The following ARHGEF16 variants were observed in gnomAD, a reference collection of about 807,000 sequenced individuals.
ARHGEF16 encodes Rho guanine exchange factor (GEF) 16.
Under a neutral mutation model 74.1 loss-of-function variants are expected in ARHGEF16, and 59 were observed. That is an observed-to-expected ratio of 0.80 (90% confidence interval 0.65 to 0.99). ARHGEF16 has a LOEUF of 0.99. Ranked by LOEUF, ARHGEF16 falls within the 50% of genes least tolerant of loss-of-function variation. The pLI, the probability that ARHGEF16 is intolerant of heterozygous loss-of-function variation, is 0.00. For synonymous variants in ARHGEF16, 415 were observed against 412.6 expected (o/e 1.01, Z -0.07); for missense variants, 948 against 986.6 (o/e 0.96, Z 0.52).
chr1:3,459,178 G>A (rs954667211), intron 1 of ARHGEF16, among the ~76,000 whole-genome samples: 3 of 152,138 alleles, frequency 2.0e-5, no homozygotes, highest in Non-Finnish European at 4.4e-5. Flanking sequence ...GAGCTCCCAG[G>A]CTGGCTCAGT....
chr1:3,473,062 C>A lies in ARHGEF16; in HGVS notation c.1023-16C>A. ...ACCAGGCCCGTGGCACCCTCCTCAC[C>A]CCTCCTTGCCTTCAGGTTCTTCGAG... On this transcript the variant is annotated splice_polypyrimidine_tract_variant and intron_variant, in intron 6 of 14. Coordinates refer to ENST00000378378, the MANE Select transcript of ARHGEF16 (RefSeq NM_014448.4). 5.6e-6 allele frequency: 9 copies of A among 1,609,644 alleles called. No homozygotes were observed. Among genetic ancestry groups the A allele is most frequent in the Non-Finnish European group, 7.6e-6 (9 of 1,178,148 alleles).
At chr1:3,457,644 A>G (rs1167144087) in intron 1 of ARHGEF16, among the ~76,000 whole-genome samples, 1 of 152,364 alleles carries the variant, frequency 6.6e-6, no homozygotes, top group East Asian at 1.9e-4. Flanking sequence ...CCAGCAGATC[A>G]GCCAAGGCCA....
chr1:3,464,619 G>GACGT (rs1271468977), intron 2 of ARHGEF16, among the ~76,000 whole-genome samples: 1 of 152,216 alleles, frequency 6.6e-6, no homozygotes, highest in East Asian at 1.9e-4. Flanking sequence ...GCCTTGCTCA[G>GACGT]ACGTGTTGGA....
chr1:3,480,119 G>A (rs1640015459), intron 14 of ARHGEF16, among the ~76,000 whole-genome samples: 1 of 152,228 alleles, frequency 6.6e-6, no homozygotes, highest in Non-Finnish European at 1.5e-5. Flanking sequence ...CCCACGTGGG[G>A]AGGAGGAGGT....
At position 3,479,879 on chromosome 1, in the gene ARHGEF16, G is replaced by A; in HGVS notation, c.1956G>A (p.Gln652=). ...AAGCAGACGAGGTCACACTGCAGCA[G>A]GCGGACGTGGTCCTGGTTCTGCAGC... The part of the protein sequence containing the change: ...AKQADEVTLQ[Q]ADVVLVLQQE... The change falls in exon 14 of 15, where the codon CAG becomes CAA. Residue 652 remains glutamine (Q), a synonymous_variant. Transcript: ENST00000378378. The A allele has an allele frequency of 6.2e-7, 1 of 1,612,344 alleles. No individual in the cohort carries two copies. Among genetic ancestry groups the A allele is most frequent in the Non-Finnish European group, 8.5e-7 (1 of 1,179,910 alleles).
Position 3,467,318 on chromosome 1 carries a change from C to T in ARHGEF16, c.785C>T (p.Thr262Ile), listed in dbSNP as rs1445710148. The change falls in exon 4 of 15, where the codon ACC becomes ATC. Residue 262 changes from threonine to isoleucine, a missense_variant. Thr to Ile is a moderately conservative substitution (Grantham distance 89). Transcript: ENST00000378378. ...AAGAGCTACCGGCCCGCCCAGGTCA[C>T]CTGGAGCCAGCTCCCAGAGGTAGCG... ...VVKSYRPAQV[T>I]WSQLPEVVEL... The T allele has an allele frequency of 5.8e-6, 9 of 1,549,600 alleles. No individual in the cohort carries two copies. The highest frequency in any genetic ancestry group is 7.0e-6 in the Non-Finnish European group (8 of 1,146,538).
Position 3,480,476 on chromosome 1 carries a change from C to A in ARHGEF16, c.2019C>A (p.Asp673Glu). The stretch of plus-strand genomic sequence containing the variant: ...GGCTCTATGGCGAGAGGCTCCGGGA[C>A]GGAGAGACGGGATGGTTCCCCGAGG... Reference protein sequence around the residue: ...DGWLYGERLRDGETGWFPEDF... With the variant: ...DGWLYGERLREGETGWFPEDF... Residue 673 changes from aspartate (D) to glutamate (E), a missense_variant, in exon 15 of 15, where the codon GAC (aspartate) becomes GAA (glutamate). Transcript: ENST00000378378. The A allele has an allele frequency of 6.2e-7, 1 of 1,612,608 alleles. No individual in the cohort carries two copies. Among genetic ancestry groups the A allele is most frequent in the Non-Finnish European group, 8.5e-7 (1 of 1,179,956 alleles).
rs751218468 is a variant in ARHGEF16 at position 3,473,241 on chromosome 1, G to A, written c.1175+11G>A. The A allele has an allele frequency of 4.5e-5, 72 of 1,611,558 alleles. No individual in the cohort carries two copies. Among genetic ancestry groups the A allele is most frequent in the Non-Finnish European group, 5.6e-5 (66 of 1,179,162 alleles). Reference sequence around the variant, plus strand: ...GCTGCAGAAGCTGATGTGAGTGGGCGGCCCCGAGGCCCGCAGGGTGGCTCA... The same window carrying A: ...GCTGCAGAAGCTGATGTGAGTGGGCAGCCCCGAGGCCCGCAGGGTGGCTCA... On this transcript the variant is annotated intron_variant, in intron 7 of 14. Coordinates refer to ENST00000378378, the MANE Select transcript of ARHGEF16 (RefSeq NM_014448.4).
chr1:3,471,388 C>T (rs546007055), intron 6 of ARHGEF16, among the ~76,000 whole-genome samples: 24 of 152,210 alleles, frequency 1.6e-4, no homozygotes, highest in African/African-American at 5.5e-4. Context: ...GAGTCCCACC[C>T]ATCTGCTGCC....
chr1:3,459,703 A>G (rs957519157), intron 1 of ARHGEF16, among the ~76,000 whole-genome samples: 1 of 152,204 alleles, frequency 6.6e-6, no homozygotes, highest in Non-Finnish European at 1.5e-5. Context: ...AGACGCCAGA[A>G]CACTCAGGGA....
chr1:3,470,989 G>A (rs1313589264), intron 6 of ARHGEF16, among the ~76,000 whole-genome samples: 5 of 138,828 alleles, frequency 3.6e-5, no homozygotes, highest in African/African-American at 1.4e-4. Context: ...TGTGTGCGTG[G>A]GCAGGGGTGT....
chr1:3,470,920 G>C, intron 6 of ARHGEF16, among the ~76,000 whole-genome samples: 1 of 141,112 alleles, frequency 7.1e-6, no homozygotes, highest in African/African-American at 2.7e-5. Context: ...ATGTGTGTGG[G>C]CAGGGGTGTG....
rs377019191 is a variant in ARHGEF16, at chr1:3,478,626, C to A, written c.1814+14C>A. The A allele has an allele frequency of 6.3e-7, 1 of 1,593,434 alleles. No individual in the cohort carries two copies. On this transcript the variant is annotated intron_variant, in intron 12 of 14. Transcript: ENST00000378378. ...CTCGGACTCCGCGTAAGTGGGCTCC[C>A]GGGAGGGCTGTTCCCAGGCCACAGG...
rs1639446702 is a variant in ARHGEF16, at chr1:3,463,205, TCC to T, written c.124_125del (p.Pro42AlafsTer3). The T allele has an allele frequency of 8.4e-6, 13 of 1,544,958 alleles. No individual in the cohort carries two copies. Among genetic ancestry groups the T allele is most frequent in the Non-Finnish European group, 1.1e-5 (13 of 1,143,238 alleles). ...CTCCGGGCTCCCAATGGTCCGTGGC[TCC>T]CCGCGTGTTAGAGACGATGCCGCCT... Reference protein sequence around the residue: ...PASGLPMVRGSPRVRDDAAFQ... With the variant: ...PASGLPMVRGXPRVRDDAAFQ... On this transcript the variant is annotated frameshift_variant, in exon 2 of 15. Coordinates refer to ENST00000378378, the MANE Select transcript of ARHGEF16 (RefSeq NM_014448.4). LOFTEE classifies it high-confidence loss of function.
chr1:3,477,500 G>A (rs980737066), intron 10 of ARHGEF16, among the ~76,000 whole-genome samples: 2 of 149,872 alleles, frequency 1.3e-5, no homozygotes, highest in Admixed American at 1.3e-4. Flanking sequence ...CCTCCCTCGG[G>A]GCTGAGCAGG....
chr1:3,469,077 G>A (rs1200194628), intron 5 of ARHGEF16, 141 bp downstream of exon 5: 32 of 1,061,788 alleles, frequency 3.0e-5, no homozygotes, highest in Non-Finnish European at 3.5e-5. Context: ...GCTGACCAGC[G>A]CCTCACACAG....
At chr1:3,478,690 TGCTC>T in intron 12 of ARHGEF16, 78 bp downstream of exon 12, 1 of 1,455,476 alleles carries the variant, frequency 6.9e-7, no homozygotes, top group African/African-American at 1.4e-5. Flanking sequence ...CCCCCTGCCT[TGCTC>T]GCTGTTGCAT....
rs6424078 is a variant in ARHGEF16 at position 3,467,334 on chromosome 1, A to G, written c.801A>G (p.Pro267=). The G allele has an allele frequency of 0.9, 1,390,244 of 1,548,284 alleles. 625,252 individuals are homozygous for G. Among genetic ancestry groups the G allele is most frequent in the Middle Eastern group, 0.95 (5,657 of 5,970 alleles). The stretch of plus-strand genomic sequence containing the variant: ...CCCAGGTCACCTGGAGCCAGCTCCC[A>G]GAGGTAGCGCCGGAGGGTGGGTGAG... ...RPAQVTWSQL[P]EVVELGILDQ... Residue 267 remains proline, a synonymous_variant, in exon 4 of 15, where the codon CCA becomes CCG. Coordinates refer to ENST00000378378, the MANE Select transcript of ARHGEF16 (RefSeq NM_014448.4).
chr1:3,457,302 G>A (rs185115310), intron 1 of ARHGEF16, among the ~76,000 whole-genome samples: 5 of 152,358 alleles, frequency 3.3e-5, no homozygotes, highest in South Asian at 2.1e-4. Flanking sequence ...TAGAGAGGCC[G>A]CGCCCCACTG....
Sources: gnomAD v4.1 joint callset for allele counts (sites outside exome capture counted in the v4.1 genomes callset) on GRCh38, gnomAD v4.1.1 for gene constraint, MANE v1.5 for transcripts, NCBI Gene and HGNC (gene_info 2026-07-23, HGNC 2026-07-21) for gene names.